PAG1: variants seen among roughly 807,000 people sequenced by gnomAD.
PAG1 encodes phosphoprotein membrane anchor with glycosphingolipid microdomains 1.
Under a neutral mutation model 31.7 loss-of-function variants are expected in PAG1, and 23 were observed. That is an observed-to-expected ratio of 0.73 (90% CI 0.52 to 1.03). The LOEUF (loss-of-function observed/expected upper bound fraction) is 1.03, where lower values mean the gene tolerates loss of function less well. Ranked by LOEUF, PAG1 falls within the 50% of genes least tolerant of loss-of-function variation. The pLI is 0.00. For missense variants in PAG1, 473 were observed against 540.7 expected, an observed-to-expected ratio of 0.87 and a Z score of 1.24; for synonymous variants, 214 against 210.3, an observed-to-expected ratio of 1.02 and a Z score of -0.15.
At chr8:81,079,714 T>C (rs893713939) in intron 1 of PAG1, among the ~76,000 whole-genome samples, 4 of 151,778 alleles carry the variant, frequency 2.6e-5, no homozygotes, top group African/African-American at 7.3e-5. Flanking sequence ...GAAATACTTA[T>C]TATTATTATT....
chr8:81,029,856 TCTCTCTCTCTCC>T (rs1212700554), intron 3 of PAG1, 128 bp downstream of exon 3: 3 of 152,100 alleles, frequency 2.0e-5, no homozygotes, highest in Non-Finnish European at 2.9e-5. Context: ...ACTGCTTTCT[TCTCTCTCTCTCC>T]CTCTCTCTCT....
chr8:81,066,941 G>A (rs1457447972), intron 2 of PAG1, among the ~76,000 whole-genome samples: 2 of 152,044 alleles, frequency 1.3e-5, no homozygotes, highest in Non-Finnish European at 2.9e-5. Context: ...TGGGAGGCTC[G>A]CTTGAGCCCA....
chr8:80,979,934 ATGT>A (rs1296008897), intron 8 of PAG1, among the ~76,000 whole-genome samples: 1 of 152,264 alleles, frequency 6.6e-6, no homozygotes, highest in East Asian at 1.9e-4. Context: ...GTTGGCTGCT[ATGT>A]CTGACCCTAG....
chr8:80,984,931 T>G lies in PAG1; in HGVS notation c.721A>C (p.Asn241His), dbSNP rs374935426. 1.2e-6 allele frequency: 2 copies of G among 1,614,014 alleles called. No individual in the cohort carries two copies. Among genetic ancestry groups the G allele is most frequent in the African/African-American group, 2.7e-5 (2 of 74,906 alleles). Reference sequence around the variant, plus strand: ...GAATTTCCAAGGATACTCTCTACATTAACACTTTGACGACATTTTTTGTTT... The same window carrying G: ...GAATTTCCAAGGATACTCTCTACATGAACACTTTGACGACATTTTTTGTTT... ...DRNKKCRQSV[N>H]VESILGNSCD... Residue 241 changes from asparagine to histidine, a missense_variant, in exon 7 of 9, where the codon AAT becomes CAT. Physicochemically the swap from Asn to His is moderately conservative, Grantham distance 68. Transcript: ENST00000220597.
At chr8:81,005,613 A>T (rs1183846685) in intron 3 of PAG1, among the ~76,000 whole-genome samples, 1 of 152,234 alleles carries the variant, frequency 6.6e-6, no homozygotes, top group Non-Finnish European at 1.5e-5. Flanking sequence ...TAGTAGAGAC[A>T]CAACAATGGG....
chr8:81,044,729 C>T (rs1415364891), intron 2 of PAG1, among the ~76,000 whole-genome samples: 2 of 152,192 alleles, frequency 1.3e-5, no homozygotes, highest in African/African-American at 4.8e-5. Flanking sequence ...ACAACCTCTC[C>T]TGTAACCACC....
At chr8:81,033,984 G>A (rs910411102) in intron 2 of PAG1, among the ~76,000 whole-genome samples, 3 of 152,238 alleles carry the variant, frequency 2.0e-5, no homozygotes, top group Admixed American at 2.0e-4. Flanking sequence ...CAAATACAGG[G>A]ATTGAGGAGA....
chr8:81,020,434 G>T (rs1196027625), intron 3 of PAG1, among the ~76,000 whole-genome samples: 1 of 152,162 alleles, frequency 6.6e-6, no homozygotes, highest in Admixed American at 6.5e-5. Flanking sequence ...TGAATCATGG[G>T]GGCGGGACTT....
rs1396447602 is a variant in PAG1, at chr8:80,990,657, G to A, written c.177+822C>T. 6.6e-6 allele frequency among the ~76,000 whole-genome samples: 1 copy of A among 152,072 alleles called. No homozygotes were observed. The highest frequency in any genetic ancestry group is 1.5e-5 in the Non-Finnish European group (1 of 68,024). On this transcript the variant is annotated intron_variant, in intron 5 of 8. Coordinates refer to ENST00000220597, the MANE Select transcript of PAG1 (RefSeq NM_018440.4). This position sits in a 1 kb window ranked among gnomAD's most constrained non-coding sequence, Gnocchi z 5.1. Reference sequence around the variant, plus strand: ...ACACTCTCAGGCTGTTCCTCGCCAGGGTGGATCCCTGAGGGCCTCAGGATC... The same window carrying A: ...ACACTCTCAGGCTGTTCCTCGCCAGAGTGGATCCCTGAGGGCCTCAGGATC...
intron 2 of PAG1, among the ~76,000 whole-genome samples, chr8:81,060,018 A>T (rs898926021): frequency 1.4e-5 from 2 of 143,606 alleles, no homozygotes; most frequent in Non-Finnish European, 3.1e-5. Flanking sequence ...GACTCCATCT[A>T]AAAAAAAAAA....
At chr8:81,049,133 G>C (rs1808687032) in intron 2 of PAG1, among the ~76,000 whole-genome samples, 1 of 152,108 alleles carries the variant, frequency 6.6e-6, no homozygotes, top group African/African-American at 2.4e-5. Context: ...AGCAAGAAGA[G>C]AGAATAAAAG....
intron 1 of PAG1, among the ~76,000 whole-genome samples, chr8:81,110,234 T>C (rs1809753122): frequency 2.0e-5 from 3 of 152,240 alleles, no homozygotes. Flanking sequence ...TAAACATTTA[T>C]GTATGTGTAT....
intron 3 of PAG1, among the ~76,000 whole-genome samples, chr8:81,014,342 C>T (rs74782144): frequency 0.049 from 7,467 of 152,282 alleles, 187 homozygotes; most frequent in East Asian, 0.097. Context: ...TTAGGTACTT[C>T]ATTACATGGC....
chr8:80,986,041 TTG>T (rs769053598), intron 6 of PAG1, among the ~76,000 whole-genome samples: 10 of 152,210 alleles, frequency 6.6e-5, no homozygotes. Flanking sequence ...GTCAACCGTG[TTG>T]TGAGTGCCTG....
chr8:81,021,379 C>T (rs915527522), intron 3 of PAG1, among the ~76,000 whole-genome samples: 4 of 151,258 alleles, frequency 2.6e-5, no homozygotes, highest in East Asian at 1.9e-4. Flanking sequence ...GGACCAATAT[C>T]GGTACATTAT....
chr8:81,001,038 C>T (rs1433197142), intron 3 of PAG1, among the ~76,000 whole-genome samples: 1 of 152,212 alleles, frequency 6.6e-6, no homozygotes, highest in Non-Finnish European at 1.5e-5. Context: ...ACATTGTTGG[C>T]TCTCTTTCCA....
chr8:81,052,183 C>T (rs563196071), intron 2 of PAG1, among the ~76,000 whole-genome samples: 3 of 151,572 alleles, frequency 2.0e-5, no homozygotes, highest in Non-Finnish European at 2.9e-5. Context: ...TCCTTAGTCA[C>T]GTCCTCATTG....
chr8:81,000,423 CT>C (rs1302011339), intron 3 of PAG1, among the ~76,000 whole-genome samples: 1 of 151,170 alleles, frequency 6.6e-6, no homozygotes, highest in Non-Finnish European at 1.5e-5. Flanking sequence ...AAGGCAAATC[CT>C]TTTTTTTTGA....
rs1418400039 is a variant in PAG1, at chr8:80,967,948, T to C, written c.*8596A>G. ...TGAATAAGTTTTATTACATGTAAACTATAAGATATTACAAGTTAAACTCCA... is the reference window on the plus strand; with the variant it reads ...TGAATAAGTTTTATTACATGTAAACCATAAGATATTACAAGTTAAACTCCA... On this transcript the variant is annotated 3_prime_UTR_variant, in exon 9 of 9. Coordinates refer to ENST00000220597, the MANE Select transcript of PAG1 (RefSeq NM_018440.4). The C allele has an allele frequency of 6.6e-6, 1 of 152,226 alleles. No homozygotes were observed. Among genetic ancestry groups the C allele is most frequent in the East Asian group, 1.9e-4 (1 of 5,208 alleles). The allele number at this position is 152,226 out of a possible 1,614,324, so 9.4% of individuals were successfully genotyped here. A position where few individuals can be genotyped will look rare whatever the true frequency, so the allele number is the denominator to read the frequency against.
Sources: allele counts gnomAD v4.1 joint callset (sites outside exome capture counted in the v4.1 genomes callset), GRCh38; gene constraint gnomAD v4.1.1; non-coding constraint Gnocchi (gnomAD v3.1); transcripts MANE v1.5; gene names NCBI Gene and HGNC (gene_info 2026-07-23, HGNC 2026-07-21).